The following RANBP2 variants were observed in gnomAD, a reference collection of about 807,000 sequenced individuals.
RANBP2 encodes the protein E3 SUMO-protein ligase RanBP2.
A neutral mutation model predicts 303.6 loss-of-function variants in RANBP2; 57 were observed. The observed-to-expected ratio is 0.19, with a 90% confidence interval of 0.15 to 0.23. RANBP2 has a LOEUF of 0.23. Among genes scored for constraint, RANBP2 ranks in the 10% least tolerant of loss-of-function variants. The probability of loss-of-function intolerance (pLI) is 1.00; values close to 1 mark genes in which losing one functional copy is unlikely to be tolerated. For missense variants in RANBP2, 3,138 were observed against 3,780.8 expected, an observed-to-expected ratio of 0.83 and a Z score of 4.46; for synonymous variants, 1,167 against 1,301.5, an observed-to-expected ratio of 0.90 and a Z score of 2.23.
the RANBP2 span, chr2:108,815,935 A>T: frequency 1.3e-6 from 2 of 1,594,760 alleles, no homozygotes; most frequent in East Asian, 2.2e-5. Flanking sequence ...AATTTTTGAC[A>T]TATAGGTACC....
chr2:109,369,486 T>G, the RANBP2 span, among the ~76,000 whole-genome samples: 1 of 152,262 alleles, frequency 6.6e-6, no homozygotes, highest in Non-Finnish European at 1.5e-5. Flanking sequence ...AGAATGCTCT[T>G]TACGTTTTTC....
chr2:108,921,983 T>A, the RANBP2 span, among the ~76,000 whole-genome samples: 5 of 152,008 alleles, frequency 3.3e-5, no homozygotes, highest in Non-Finnish European at 7.4e-5. Context: ...GGGAGTGGGG[T>A]GCGCTCATCT....
chr2:109,577,841 A>AG, the RANBP2 span, among the ~76,000 whole-genome samples: 1 of 135,054 alleles, frequency 7.4e-6, no homozygotes, highest in Non-Finnish European at 1.5e-5. Context: ...TGAACCCAGG[A>AG]GGGGGAGGTT....
At chr2:109,619,375 A>G in the RANBP2 span, among the ~76,000 whole-genome samples, 1 of 152,360 alleles carries the variant, frequency 6.6e-6, no homozygotes, top group Admixed American at 6.5e-5. Context: ...ACCATCTGCC[A>G]TAAACCTGCC....
At chr2:108,780,680 C>T (rs1678193747) in intron 25 of RANBP2, among the ~76,000 whole-genome samples, 1 of 151,590 alleles carries the variant, frequency 6.6e-6, no homozygotes, top group Non-Finnish European at 1.5e-5. Flanking sequence ...CAGGCGCATA[C>T]CACCACTCCC....
the RANBP2 span, among the ~76,000 whole-genome samples, chr2:109,674,785 T>C: frequency 6.6e-6 from 1 of 152,172 alleles, no homozygotes; most frequent in African/African-American, 2.4e-5. Flanking sequence ...CTCAGCCCCC[T>C]GAGTTTGCTA....
At chr2:109,355,700 G>GT in the RANBP2 span, among the ~76,000 whole-genome samples, 5 of 152,196 alleles carry the variant, frequency 3.3e-5, no homozygotes, top group Non-Finnish European at 7.3e-5. Context: ...GAAACAGTGA[G>GT]TGGAGACCCT....
At chr2:109,629,638 C>T in the RANBP2 span, among the ~76,000 whole-genome samples, 12 of 151,368 alleles carry the variant, frequency 7.9e-5, no homozygotes, top group Non-Finnish European at 1.5e-4. Flanking sequence ...TGGTGAAACC[C>T]CGTCTCTACT....
the RANBP2 span, among the ~76,000 whole-genome samples, chr2:108,932,402 A>AC: frequency 4.6e-5 from 7 of 151,636 alleles, no homozygotes; most frequent in African/African-American, 1.7e-4. Flanking sequence ...GGTGGTGGGC[A>AC]CCTGTAGTCC....
At chr2:109,742,711 C>T in the RANBP2 span, among the ~76,000 whole-genome samples, 3 of 145,924 alleles carry the variant, frequency 2.1e-5, 1 homozygote, top group African/African-American at 7.9e-5. Context: ...CCAGAATAGT[C>T]AACATGGTAT....
chr2:109,637,442 G>T, the RANBP2 span, among the ~76,000 whole-genome samples: 1 of 152,142 alleles, frequency 6.6e-6, no homozygotes, highest in Non-Finnish European at 1.5e-5. Flanking sequence ...GGGATGGTCA[G>T]GTCTTTCTCA....
At chr2:109,704,253 A>G in the RANBP2 span, among the ~76,000 whole-genome samples, 1 of 152,116 alleles carries the variant, frequency 6.6e-6, no homozygotes, top group Non-Finnish European at 1.5e-5. Context: ...TCTAGAAAGG[A>G]AAAAATAAAG....
At chr2:109,230,163 G>A in the RANBP2 span, among the ~76,000 whole-genome samples, 12 of 151,826 alleles carry the variant, frequency 7.9e-5, no homozygotes, top group East Asian at 5.8e-4. Flanking sequence ...ATATTCCGTC[G>A]TATGGATATA....
chr2:108,738,379 C>T (rs1418481994), intron 6 of RANBP2, among the ~76,000 whole-genome samples: 3 of 151,380 alleles, frequency 2.0e-5, no homozygotes, highest in East Asian at 3.9e-4. Context: ...CCAGCTGGTC[C>T]TGATCTCTTG....
the RANBP2 span, among the ~76,000 whole-genome samples, chr2:109,493,557 C>T: frequency 0.26 from 38,576 of 151,246 alleles, 5,243 homozygotes; most frequent in East Asian, 0.5. Flanking sequence ...CATACACATA[C>T]ATACCATACA....
At chr2:109,499,403 G>T in the RANBP2 span, among the ~76,000 whole-genome samples, 3 of 152,374 alleles carry the variant, frequency 2.0e-5, no homozygotes, top group Admixed American at 2.0e-4. Context: ...CCACATGTGG[G>T]ATCTGGGCTT....
chr2:109,132,424 C>T, the RANBP2 span, among the ~76,000 whole-genome samples: 4 of 152,124 alleles, frequency 2.6e-5, no homozygotes, highest in African/African-American at 9.7e-5. Context: ...TGTTTTTCAT[C>T]GGTTTTGGTG....
the RANBP2 span, among the ~76,000 whole-genome samples, chr2:109,350,347 C>A: frequency 6.6e-6 from 1 of 152,198 alleles, no homozygotes; most frequent in South Asian, 2.1e-4. Flanking sequence ...GCTCCCACAG[C>A]AGACAAGGGG....
the RANBP2 span, among the ~76,000 whole-genome samples, chr2:109,621,226 C>G: frequency 4.6e-5 from 7 of 152,260 alleles, no homozygotes; most frequent in South Asian, 1.5e-3. Flanking sequence ...GATCTTGGCT[C>G]ACTGCAACCT....
Sources: gnomAD v4.1 joint callset for allele counts (sites outside exome capture counted in the v4.1 genomes callset) on GRCh38, gnomAD v4.1.1 for gene constraint, MANE v1.5 for transcripts, NCBI Gene and HGNC (gene_info 2026-07-23, HGNC 2026-07-21) for gene names.